Variants in SNTG2 observed in about 807,000 individuals in gnomAD.
The protein encoded by SNTG2 is syntrophin gamma 2.
A neutral mutation model predicts 70.9 loss-of-function variants in SNTG2; 74 were observed. The ratio of observed to expected loss-of-function variants is 1.04; its 90% CI spans 0.86 to 1.27. The LOEUF (loss-of-function observed/expected upper bound fraction) is 1.27, where lower values mean the gene tolerates loss of function less well. SNTG2 is among the 50% of genes most tolerant of loss of function. The probability of loss-of-function intolerance (pLI) is 0.00; values close to 1 mark genes in which losing one functional copy is unlikely to be tolerated. For synonymous variants in SNTG2, 278 were observed against 273.8 expected, an observed-to-expected ratio of 1.02 and a Z score of -0.15; for missense variants, 717 against 690.7, an observed-to-expected ratio of 1.04 and a Z score of -0.43.
At chr2:1,217,088 A>G (rs914281843) in intron 9 of SNTG2, among the ~76,000 whole-genome samples, 5 of 152,176 alleles carry the variant, frequency 3.3e-5, no homozygotes, top group African/African-American at 7.2e-5. Flanking sequence ...AATTAGACCA[A>G]TGATGGTTGA....
At chr2:1,061,621 T>C (rs1259807563) in intron 1 of SNTG2, among the ~76,000 whole-genome samples, 3 of 152,224 alleles carry the variant, frequency 2.0e-5, no homozygotes, top group Admixed American at 6.5e-5. Context: ...GATAGCAGGC[T>C]CAAGAAATCA....
chr2:1,251,166 T>G (rs1229173213), intron 12 of SNTG2, among the ~76,000 whole-genome samples: 1 of 152,188 alleles, frequency 6.6e-6, no homozygotes, highest in Non-Finnish European at 1.5e-5. Context: ...CCCAGATAGA[T>G]TTACCATTAG....
chr2:1,002,763 G>A (rs1659438647), intron 1 of SNTG2, among the ~76,000 whole-genome samples: 1 of 150,476 alleles, frequency 6.6e-6, no homozygotes, highest in Non-Finnish European at 1.5e-5. Flanking sequence ...TACCCAAAGG[G>A]AAAAAAATTA....
intron 1 of SNTG2, among the ~76,000 whole-genome samples, chr2:1,015,833 C>T (rs1488223785): frequency 2.0e-5 from 3 of 152,142 alleles, no homozygotes; most frequent in South Asian, 2.1e-4. Context: ...GAAATTCCTT[C>T]GCTCCCAGCA....
At chr2:964,841 C>T (rs775504103) in intron 1 of SNTG2, among the ~76,000 whole-genome samples, 3 of 152,136 alleles carry the variant, frequency 2.0e-5, no homozygotes, top group Non-Finnish European at 4.4e-5. Context: ...GGGGTAGGTT[C>T]TGAGAAGAGC....
At chr2:974,219 C>T (rs144968674) in intron 1 of SNTG2, among the ~76,000 whole-genome samples, 47 of 152,284 alleles carry the variant, frequency 3.1e-4, no homozygotes, top group Non-Finnish European at 5.4e-4. Flanking sequence ...GACCACAAGC[C>T]TCACATCCTC....
intron 9 of SNTG2, among the ~76,000 whole-genome samples, chr2:1,232,966 C>T (rs1240554022): frequency 2.6e-5 from 4 of 152,234 alleles, no homozygotes; most frequent in Non-Finnish European, 5.9e-5. Flanking sequence ...GCACACCTTT[C>T]CTCTCTGTTA....
intron 12 of SNTG2, among the ~76,000 whole-genome samples, chr2:1,255,038 T>C (rs1558601307): frequency 6.6e-6 from 1 of 152,224 alleles, no homozygotes; most frequent in Non-Finnish European, 1.5e-5. Context: ...GTTTCCCCTC[T>C]TTTAACATAA....
intron 4 of SNTG2, among the ~76,000 whole-genome samples, chr2:1,114,933 G>A (rs776506556): frequency 4.6e-5 from 7 of 151,770 alleles, no homozygotes; most frequent in African/African-American, 1.2e-4. Flanking sequence ...TGTGTACTAC[G>A]TGAGGTTTAA....
chr2:1,077,143 C>T (rs1663970580), intron 1 of SNTG2, among the ~76,000 whole-genome samples: 1 of 152,070 alleles, frequency 6.6e-6, no homozygotes, highest in South Asian at 2.1e-4. Flanking sequence ...AACACCTTGC[C>T]CGCCACTCTC....
intron 16 of SNTG2, among the ~76,000 whole-genome samples, chr2:1,358,589 C>T (rs1263979113): frequency 6.6e-6 from 1 of 152,090 alleles, no homozygotes. Context: ...TAGTATCCCT[C>T]TTGATTTCTT....
chr2:1,061,946 T>C (rs1662851909), intron 1 of SNTG2, among the ~76,000 whole-genome samples: 1 of 152,122 alleles, frequency 6.6e-6, no homozygotes, highest in Non-Finnish European at 1.5e-5. Context: ...ATATATACTA[T>C]AAATCTATAA....
chr2:1,162,001 G>A (rs1302113595), intron 6 of SNTG2, among the ~76,000 whole-genome samples: 1 of 149,410 alleles, frequency 6.7e-6, no homozygotes, highest in African/African-American at 2.5e-5. Context: ...GTGAACCCGG[G>A]AGGCGGAGCT....
At chr2:1,354,861 C>G (rs1660758976) in intron 16 of SNTG2, among the ~76,000 whole-genome samples, 1 of 152,218 alleles carries the variant, frequency 6.6e-6, no homozygotes, top group Admixed American at 6.5e-5. Flanking sequence ...AGGTTAAAAT[C>G]TTATTTTTTC....
chr2:1,264,151 C>T (rs1325607364), intron 13 of SNTG2, among the ~76,000 whole-genome samples: 1 of 152,194 alleles, frequency 6.6e-6, no homozygotes, highest in Non-Finnish European at 1.5e-5. Context: ...GTCGTGAATT[C>T]ATACAATATA....
chr2:1,319,962 A>G (rs955596479), intron 16 of SNTG2, among the ~76,000 whole-genome samples: 1 of 152,250 alleles, frequency 6.6e-6, no homozygotes, highest in South Asian at 2.1e-4. Context: ...TGTTGTCTTA[A>G]GAAATAGGAA....
chr2:1,348,728 G>A (rs1660428227), intron 16 of SNTG2, among the ~76,000 whole-genome samples: 1 of 152,176 alleles, frequency 6.6e-6, no homozygotes. Context: ...CCCGAGGGCG[G>A]TGTCACAGGC....
chr2:1,057,309 G>T (rs1377523283), intron 1 of SNTG2, among the ~76,000 whole-genome samples: 1 of 152,056 alleles, frequency 6.6e-6, no homozygotes, highest in Non-Finnish European at 1.5e-5. Flanking sequence ...TCTTCTGTAT[G>T]CCTGAAAGGA....
chr2:1,250,738 T>C (rs967462459), intron 12 of SNTG2, among the ~76,000 whole-genome samples: 1 of 151,394 alleles, frequency 6.6e-6, no homozygotes, highest in Non-Finnish European at 1.5e-5. Context: ...TCTTTGTCTT[T>C]CTCTCTGTCT....
Sources: gnomAD v4.1 joint callset for allele counts (sites outside exome capture counted in the v4.1 genomes callset) on GRCh38, gnomAD v4.1.1 for gene constraint, MANE v1.5 for transcripts, NCBI Gene and HGNC (gene_info 2026-07-23, HGNC 2026-07-21) for gene names.